DOK5: variants seen among roughly 807,000 people sequenced by gnomAD.
The protein encoded by DOK5 is docking protein 5.
In DOK5, 27 loss-of-function variants were observed where a neutral mutation model predicts 43.3. That is an observed-to-expected ratio of 0.62 (90% CI 0.46 to 0.86). The LOEUF (loss-of-function observed/expected upper bound fraction) is 0.86. Ranked by LOEUF, DOK5 falls within the 40% of genes least tolerant of loss-of-function variation. The probability of loss-of-function intolerance (pLI) is 0.00; values close to 1 mark genes in which losing one functional copy is unlikely to be tolerated. For synonymous variants in DOK5, 146 were observed against 140.1 expected (o/e 1.04, Z -0.30); for missense variants, 373 against 392.9 (o/e 0.95, Z 0.43).
At chr20:54,497,452 G>C (rs535216287) in intron 1 of DOK5, among the ~76,000 whole-genome samples, 1 of 152,150 alleles carries the variant, frequency 6.6e-6, no homozygotes, top group African/African-American at 2.4e-5. Context: ...ATAAGCATAG[G>C]TAACATCTTC....
At chr20:54,530,618 C>T (rs981749949) in intron 1 of DOK5, among the ~76,000 whole-genome samples, 6 of 152,198 alleles carry the variant, frequency 3.9e-5, no homozygotes, top group Non-Finnish European at 7.3e-5. Context: ...TTGGGCCATC[C>T]TGAGCCCTCA....
intron 1 of DOK5, among the ~76,000 whole-genome samples, chr20:54,524,624 G>A (rs908696155): frequency 2.0e-5 from 3 of 152,322 alleles, no homozygotes; most frequent in South Asian, 2.1e-4. Context: ...AGACCAAGAG[G>A]AGTTAGAGAA....
chr20:54,586,140 GGCATATGTGTGGGGA>G (rs1383022796), intron 2 of DOK5, among the ~76,000 whole-genome samples: 1 of 152,138 alleles, frequency 6.6e-6, no homozygotes. Flanking sequence ...CACGTTATGT[GGCATATGTGTGGGGA>G]CCAATGCATG....
chr20:54,543,584 TGAGA>T (rs1347741796), intron 1 of DOK5, among the ~76,000 whole-genome samples: 119 of 150,510 alleles, frequency 7.9e-4, no homozygotes, highest in Non-Finnish European at 1.5e-3. Context: ...TGTGTGTGTG[TGAGA>T]GAGAGAAAGA....
At chr20:54,566,292 C>T (rs1985096393) in intron 2 of DOK5, among the ~76,000 whole-genome samples, 2 of 152,208 alleles carry the variant, frequency 1.3e-5, no homozygotes, top group South Asian at 4.2e-4. Context: ...AGTATACATT[C>T]CCAGAGTTTG....
intron 5 of DOK5, among the ~76,000 whole-genome samples, chr20:54,598,722 C>T (rs940157502): frequency 7.2e-5 from 11 of 152,148 alleles, no homozygotes; most frequent in African/African-American, 2.4e-4. Context: ...CTTTTGACAT[C>T]GTTTTAAGAG....
At chr20:54,531,326 C>G (rs1386902227) in intron 1 of DOK5, among the ~76,000 whole-genome samples, 1 of 152,180 alleles carries the variant, frequency 6.6e-6, no homozygotes, top group East Asian at 1.9e-4. Context: ...CTCCAAAAGA[C>G]TAAAGCGTCA....
chr20:54,518,893 G>C (rs915410349), intron 1 of DOK5, among the ~76,000 whole-genome samples: 34 of 152,198 alleles, frequency 2.2e-4, no homozygotes, highest in Admixed American at 2.0e-3. Context: ...AGTGGGCGAA[G>C]GTTATGAACA....
At chr20:54,482,391 G>C (rs758060582) in intron 1 of DOK5, among the ~76,000 whole-genome samples, 16 of 152,168 alleles carry the variant, frequency 1.1e-4, no homozygotes, top group Non-Finnish European at 2.2e-4. Context: ...TGTTTCATTT[G>C]AGGATTTTAG....
At position 54,588,505 on chromosome 20, in the gene DOK5, A is replaced by G. The variant is rs561093492; in HGVS notation, c.197A>G (p.Lys66Arg). 2 of 1,614,058 alleles carry G rather than the reference A, an allele frequency of 1.2e-6. No individual in the cohort carries two copies. The highest frequency in any genetic ancestry group is 1.3e-5 in the African/African-American group (1 of 74,948). ...CAGGTTACAGAACTCAATAATGTGA[A>G]GAACGTAGCTCGATTGCCAAAAAGC... Reference protein sequence around the residue: ...YHKVTELNNVKNVARLPKSTK... With the variant: ...YHKVTELNNVRNVARLPKSTK... Residue 66 changes from lysine (K) to arginine (R), a missense_variant, in exon 3 of 8, where the codon AAG (lysine) becomes AGG (arginine). Lys to Arg is a conservative substitution (Grantham distance 26). Transcript: ENST00000262593.
At chr20:54,540,211 A>G (rs1026827262) in intron 1 of DOK5, among the ~76,000 whole-genome samples, 3 of 152,000 alleles carry the variant, frequency 2.0e-5, no homozygotes. Flanking sequence ...CTCTGCATAG[A>G]TAGTCTATCA....
intron 6 of DOK5, among the ~76,000 whole-genome samples, chr20:54,620,822 C>T (rs966072871): frequency 6.6e-6 from 1 of 152,152 alleles, no homozygotes; most frequent in Non-Finnish European, 1.5e-5. Context: ...CTGAGCCCTG[C>T]TGCCCACTAG....
chr20:54,525,778 G>A (rs545937909), intron 1 of DOK5, among the ~76,000 whole-genome samples: 1 of 152,226 alleles, frequency 6.6e-6, no homozygotes, highest in East Asian at 1.9e-4. Flanking sequence ...AATTTTTGTG[G>A]TTTTGCAAAG....
At chr20:54,620,632 A>G (rs1042087205) in intron 6 of DOK5, among the ~76,000 whole-genome samples, 9 of 152,196 alleles carry the variant, frequency 5.9e-5, no homozygotes. Flanking sequence ...TCAATTTGCT[A>G]TGGTCTCTTT....
At chr20:54,607,829 G>T (rs535883239) in intron 5 of DOK5, among the ~76,000 whole-genome samples, 85 of 151,972 alleles carry the variant, frequency 5.6e-4, no homozygotes, top group African/African-American at 1.7e-3. Context: ...GTTGCAGTGA[G>T]CCAAGATCGC....
At chr20:54,622,638 T>C (rs1208404075) in intron 6 of DOK5, among the ~76,000 whole-genome samples, 1 of 152,140 alleles carries the variant, frequency 6.6e-6, no homozygotes, top group Non-Finnish European at 1.5e-5. Context: ...TTTTAATACT[T>C]GAGATGGGGG....
At chr20:54,539,749 A>G (rs1190658269) in intron 1 of DOK5, among the ~76,000 whole-genome samples, 1 of 152,298 alleles carries the variant, frequency 6.6e-6, no homozygotes, top group East Asian at 1.9e-4. Flanking sequence ...GAACCCAGCC[A>G]TGATTAATGA....
chr20:54,578,319 C>T (rs767209933), intron 2 of DOK5, among the ~76,000 whole-genome samples: 4 of 152,140 alleles, frequency 2.6e-5, no homozygotes, highest in Non-Finnish European at 4.4e-5. Flanking sequence ...CTAATACTGA[C>T]ATTTTTAGTA....
intron 1 of DOK5, among the ~76,000 whole-genome samples, chr20:54,550,778 C>T (rs925810039): frequency 1.3e-5 from 2 of 152,044 alleles, no homozygotes; most frequent in African/African-American, 2.4e-5. Context: ...TACCACAGTT[C>T]GTTTAATCAT....
Sources: gnomAD v4.1 joint callset for allele counts (sites outside exome capture counted in the v4.1 genomes callset) on GRCh38, gnomAD v4.1.1 for gene constraint, MANE v1.5 for transcripts, NCBI Gene and HGNC (gene_info 2026-07-23, HGNC 2026-07-21) for gene names.